MELK: variants seen among roughly 807,000 people sequenced by gnomAD.
The protein encoded by MELK is pEg3 kinase.
A neutral mutation model predicts 85.0 loss-of-function variants in MELK; 81 were observed. The observed-to-expected ratio is 0.95, with a 90% CI of 0.80 to 1.15. The LOEUF is 1.15. Ranked by LOEUF, MELK falls within the 50% of genes most tolerant of loss-of-function variation. The pLI, the probability that MELK is intolerant of heterozygous loss-of-function variation, is 0.00. For missense variants in MELK, 754 were observed against 777.5 expected (o/e 0.97, Z 0.36); for synonymous variants, 252 against 265.0 (o/e 0.95, Z 0.48).
At position 36,633,177 on chromosome 9, in the gene MELK, G is replaced by A; in HGVS notation, c.811G>A (p.Val271Ile). Residue 271 changes from valine (V) to isoleucine (I), a missense_variant, in exon 10 of 18, where the codon GTT becomes ATT. Val to Ile is a conservative substitution (Grantham distance 29, BLOSUM62 3). Transcript: ENST00000298048. ...PWIMQDYNYP[V>I]EWQSKNPFIH... ...GATCATGCAAGATTACAACTATCCT[G>A]TTGAGTGGCAAAGCAAGAATCCTGT... 6.3e-7 allele frequency: 1 copy of A among 1,598,496 alleles called. No individual in the cohort carries two copies. Among genetic ancestry groups the A allele is most frequent in the Non-Finnish European group, 8.5e-7 (1 of 1,176,498 alleles).
chr9:36,604,596 G>A (rs1467104360), intron 7 of MELK, among the ~76,000 whole-genome samples: 2 of 151,736 alleles, frequency 1.3e-5, no homozygotes, highest in African/African-American at 2.4e-5. Flanking sequence ...CAGCTGATCC[G>A]CCCACCTTGG....
chr9:36,610,719 C>T (rs1006568498), intron 8 of MELK, among the ~76,000 whole-genome samples: 4 of 152,202 alleles, frequency 2.6e-5, no homozygotes, highest in African/African-American at 9.6e-5. Context: ...GCATCCACAT[C>T]AGGATACAGG....
At chr9:36,600,850 T>C (rs1824846153) in intron 7 of MELK, among the ~76,000 whole-genome samples, 1 of 152,222 alleles carries the variant, frequency 6.6e-6, no homozygotes, top group Non-Finnish European at 1.5e-5. Context: ...GGTTACTTCA[T>C]AAAATGAGAA....
chr9:36,605,953 TAA>T (rs554431255), intron 7 of MELK, among the ~76,000 whole-genome samples: 60 of 128,256 alleles, frequency 4.7e-4, no homozygotes, highest in Non-Finnish European at 4.7e-4. Flanking sequence ...ACCCTGTCTC[TAA>T]AAAAAAAAAA....
At chr9:36,574,087 G>A (rs904023951) in intron 1 of MELK, among the ~76,000 whole-genome samples, 1 of 152,144 alleles carries the variant, frequency 6.6e-6, no homozygotes, top group Non-Finnish European at 1.5e-5. Context: ...ATGGAGTCTG[G>A]CTAGAAAATC....
intron 1 of MELK, among the ~76,000 whole-genome samples, chr9:36,578,693 C>A (rs1390996447): frequency 1.3e-5 from 2 of 152,110 alleles, no homozygotes; most frequent in African/African-American, 4.8e-5. Flanking sequence ...AACCATTGTT[C>A]AAGTTTTGAT....
chr9:36,658,692 TTTTGTTTG>T (rs1236201174), intron 13 of MELK, among the ~76,000 whole-genome samples: 1 of 145,556 alleles, frequency 6.9e-6, no homozygotes, highest in South Asian at 2.3e-4. Flanking sequence ...GGGCCATCCT[TTTTGTTTG>T]TTTGTTTGTT....
chr9:36,585,302 G>GTTTTT lies in MELK; in HGVS notation c.144+1609_144+1613dup, dbSNP rs869244728. On this transcript the variant is annotated intron_variant, in intron 3 of 17. Coordinates refer to ENST00000298048, the MANE Select transcript of MELK (RefSeq NM_014791.4). ...TTTCTAATTCCTTCTACCATTCTTT[G>GTTTTT]TTTTTTTTTTTTTTTTTTTTTTTGA... Among the ~76,000 whole-genome samples, 481 of 77,774 alleles carry GTTTTT rather than the reference G, an allele frequency of 6.2e-3. 43 individuals carry two copies. Among genetic ancestry groups the GTTTTT allele is most frequent in the African/African-American group, 0.019 (333 of 17,378 alleles). 51.0% of individuals were successfully genotyped at this position (77,774 alleles called of 152,430 possible). A position where few individuals can be genotyped will look rare whatever the true frequency, so the allele number is the denominator to read the frequency against.
At chr9:36,574,416 C>T (rs1199996074) in intron 1 of MELK, among the ~76,000 whole-genome samples, 1 of 139,566 alleles carries the variant, frequency 7.2e-6, no homozygotes, top group Non-Finnish European at 1.5e-5. Context: ...GAAACCCCGT[C>T]TCTACTAAAA....
At chr9:36,675,176 A>G (rs1209932371) in intron 17 of MELK, among the ~76,000 whole-genome samples, 2 of 152,136 alleles carry the variant, frequency 1.3e-5, no homozygotes, top group African/African-American at 2.4e-5. Flanking sequence ...AGTTCCAGCT[A>G]CGTGGGAGGC....
chr9:36,663,566 T>A (rs986876706), intron 13 of MELK, among the ~76,000 whole-genome samples: 2 of 152,148 alleles, frequency 1.3e-5, no homozygotes, highest in South Asian at 4.1e-4. Flanking sequence ...TTTCTATCAT[T>A]CCACTCTCTA....
chr9:36,677,473 TC>T lies in MELK; in HGVS notation c.*137del. On this transcript the variant is annotated 3_prime_UTR_variant, in exon 18 of 18. Transcript: ENST00000298048. ...AAAGAGCTATCTTAAGACCAATATC[TC>T]TTTGTTTTTAAACAAAAGATATTAT... 1 of 682,746 alleles carries T rather than the reference TC, an allele frequency of 1.5e-6. No homozygotes were observed. The highest frequency in any genetic ancestry group is 2.2e-6 in the Non-Finnish European group (1 of 452,514). The allele number at this position is 682,746 out of a possible 1,614,324, so 42.3% of individuals were successfully genotyped here.
chr9:36,646,339 A>G (rs1307763013), intron 11 of MELK, among the ~76,000 whole-genome samples: 1 of 152,202 alleles, frequency 6.6e-6, no homozygotes, highest in African/African-American at 2.4e-5. Flanking sequence ...ATTAGACAGG[A>G]CAGAGAGAGA....
chr9:36,589,724 C>G, intron 4 of MELK, 72 bp downstream of exon 4: 1 of 1,124,104 alleles, frequency 8.9e-7, no homozygotes, highest in Non-Finnish European at 1.3e-6. Flanking sequence ...AAGTACATTT[C>G]ACCTGAAAGA....
chr9:36,589,239 CCCGGAT>C (rs1823274306), intron 3 of MELK, among the ~76,000 whole-genome samples: 1 of 151,976 alleles, frequency 6.6e-6, no homozygotes, highest in African/African-American at 2.4e-5. Context: ...AGCTCCGCCT[CCCGGAT>C]TCACGCCATT....
intron 1 of MELK, among the ~76,000 whole-genome samples, chr9:36,577,525 A>G (rs1484881462): frequency 6.6e-6 from 1 of 151,760 alleles, no homozygotes; most frequent in Non-Finnish European, 1.5e-5. Flanking sequence ...CAAACAAACA[A>G]ACAAACTAGC....
chr9:36,624,493 C>A (rs1321507400), intron 8 of MELK, among the ~76,000 whole-genome samples: 1 of 152,178 alleles, frequency 6.6e-6, no homozygotes, highest in Non-Finnish European at 1.5e-5. Flanking sequence ...CATTCCTGTT[C>A]CAATGTGCCA....
intron 16 of MELK, 93 bp from the exon 17 acceptor site, chr9:36,674,741 T>G (rs1406037968): frequency 2.9e-6 from 2 of 689,490 alleles, no homozygotes; most frequent in East Asian, 5.1e-5. Context: ...GAAACAGTAC[T>G]ATATTGAGGA....
At chr9:36,574,992 C>T (rs1419460696) in intron 1 of MELK, among the ~76,000 whole-genome samples, 7 of 151,992 alleles carry the variant, frequency 4.6e-5, no homozygotes, top group African/African-American at 1.5e-4. Flanking sequence ...AAAAATTAGC[C>T]GGGCGTGGTG....
Sources: gnomAD v4.1 joint callset for allele counts (sites outside exome capture counted in the v4.1 genomes callset) on GRCh38, gnomAD v4.1.1 for gene constraint, MANE v1.5 for transcripts, NCBI Gene and HGNC (gene_info 2026-07-23, HGNC 2026-07-21) for gene names.